Variants in DUOX1 observed in about 807,000 individuals in gnomAD.
DUOX1 encodes the protein dual oxidase 1.
DUOX1 carries 134 observed loss-of-function variants against 181.8 expected under a neutral mutation model. The observed-to-expected ratio is 0.74, with a 90% CI of 0.64 to 0.85. The LOEUF (loss-of-function observed/expected upper bound fraction) is 0.85. DUOX1 is among the 40% of genes least tolerant of loss of function. The pLI is 0.00. For missense variants in DUOX1, 1,814 were observed against 2,064.4 expected, an observed-to-expected ratio of 0.88 and a Z score of 2.35; for synonymous variants, 798 against 832.5, an observed-to-expected ratio of 0.96 and a Z score of 0.71.
intron 28 of DUOX1, among the ~76,000 whole-genome samples, chr15:45,158,740 G>A (rs1897025760): frequency 1.4e-5 from 2 of 142,320 alleles, no homozygotes; most frequent in African/African-American, 2.6e-5. Context: ...GCAGCTATCT[G>A]TGTATCTGTG....
intron 17 of DUOX1, among the ~76,000 whole-genome samples, chr15:45,144,516 G>A (rs1343680726): frequency 6.6e-6 from 1 of 152,236 alleles, no homozygotes; most frequent in Non-Finnish European, 1.5e-5. Flanking sequence ...GGTCCCAGCT[G>A]GGTGTCCTTG....
At chr15:45,135,438 C>A in intron 5 of DUOX1, 36 bp from the exon 6 acceptor site, 1 of 1,537,580 alleles carries the variant, frequency 6.5e-7, no homozygotes, top group South Asian at 1.2e-5. Flanking sequence ...TCGCCGCCGC[C>A]CATCGACCCG....
Position 45,152,390 on chromosome 15 carries a change from A to C in DUOX1, c.3298A>C (p.Ile1100Leu), listed in dbSNP as rs1172415808. ...AASISFMFSY[I>L]LLTMCRNLIT... Reference sequence around the variant, plus strand: ...CAGCATCTCTTTCATGTTCTCCTACATCTTGCTCACCATGTGCCGCAACCT... The same window carrying C: ...CAGCATCTCTTTCATGTTCTCCTACCTCTTGCTCACCATGTGCCGCAACCT... Residue 1100 changes from isoleucine (I) to leucine (L), a missense_variant, in exon 25 of 34, where the codon ATC (isoleucine) becomes CTC (leucine). Ile to Leu is a conservative substitution (Grantham distance 5). This residue lies in a region of DUOX1 where 1,064 missense variants were observed against 1,152.9 expected (regional missense o/e 0.92). Coordinates refer to ENST00000389037, the MANE Select transcript of DUOX1 (RefSeq NM_175940.3). The C allele has an allele frequency of 3.1e-6, 5 of 1,614,046 alleles. No individual in the cohort carries two copies.
chr15:45,162,405 C>A, intron 31 of DUOX1, 28 bp downstream of exon 31: 1 of 1,603,392 alleles, frequency 6.2e-7, no homozygotes, highest in Non-Finnish European at 8.5e-7. Context: ...TTCCCACCAA[C>A]CCATGGCCCC....
chr15:45,141,784 A>G (rs1292938466), intron 14 of DUOX1, 191 bp from the exon 15 acceptor site: 1 of 568,884 alleles, frequency 1.8e-6, no homozygotes, highest in South Asian at 2.2e-5. Context: ...GTGTGTGTGT[A>G]CACTTCTGTG....
intron 28 of DUOX1, 67 bp downstream of exon 28, chr15:45,155,996 G>A: frequency 1.3e-6 from 2 of 1,590,384 alleles, no homozygotes; most frequent in African/African-American, 1.3e-5. Context: ...GAGGCAAGGA[G>A]AGCTGGGACA....
chr15:45,134,326 C>A lies in DUOX1; in HGVS notation c.307+17C>A. 1 of 1,579,482 alleles carries A rather than the reference C, an allele frequency of 6.3e-7. No individual in the cohort carries two copies. The highest frequency in any genetic ancestry group is 8.6e-7 in the Non-Finnish European group (1 of 1,166,788). On this transcript the variant is annotated intron_variant, in intron 4 of 33. Coordinates refer to ENST00000389037, the MANE Select transcript of DUOX1 (RefSeq NM_175940.3). ...TCTTCTTTGGTGAGAACTTCAACCTCTGGGGAAGGAAGCCGGTGGGGTCGG... is the reference window on the plus strand; with the variant it reads ...TCTTCTTTGGTGAGAACTTCAACCTATGGGGAAGGAAGCCGGTGGGGTCGG...
At position 45,138,014 on chromosome 15, in the gene DUOX1, G is replaced by T; in HGVS notation, c.1113G>T (p.Glu371Asp). The change falls in exon 10 of 34, where the codon GAG becomes GAT. Residue 371 changes from glutamate (E) to aspartate (D), a missense_variant and splice_region_variant. Coordinates refer to ENST00000389037, the MANE Select transcript of DUOX1 (RefSeq NM_175940.3). The stretch of plus-strand genomic sequence containing the variant: ...TCTGCAACAGCTACTGGAGCCGTGA[G>T]GTCCGAGCTGGGGGCCACATATGTG... ...LRVCNSYWSREHPSLQSAEDV... is the reference protein window; with the variant it reads ...LRVCNSYWSRDHPSLQSAEDV... The T allele has an allele frequency of 6.2e-7, 1 of 1,605,048 alleles. No individual in the cohort carries two copies. Among genetic ancestry groups the T allele is most frequent in the Non-Finnish European group, 8.5e-7 (1 of 1,174,764 alleles).
rs761423034 is a variant in DUOX1 at position 45,151,282 on chromosome 15, T to C, written c.3014+34T>C. The C allele has an allele frequency of 3.1e-6, 5 of 1,605,714 alleles. No homozygotes were observed. In the South Asian group the frequency reaches 4.4e-5, roughly 14 times the overall value. On this transcript the variant is annotated intron_variant, in intron 23 of 33. Coordinates refer to ENST00000389037, the MANE Select transcript of DUOX1 (RefSeq NM_175940.3). ...GCTCTTCCCCTTAAGCCCAGGCAGT[T>C]CATCCATTCCTTCAGCTTATAAACA... is the stretch of plus-strand genomic sequence containing the variant.
At chr15:45,139,015 C>T (rs1896415889) in intron 10 of DUOX1, 51 bp from the exon 11 acceptor site, 1 of 1,544,256 alleles carries the variant, frequency 6.5e-7, no homozygotes. Context: ...GCTGTCTAAC[C>T]TCTGACCCCA....
At chr15:45,153,756 G>A (rs974217229) in intron 26 of DUOX1, 195 bp from the exon 27 acceptor site, 16 of 636,608 alleles carry the variant, frequency 2.5e-5, no homozygotes, top group Non-Finnish European at 4.4e-5. Context: ...GCATGGTGGT[G>A]CGTGCCTGTA....
Position 45,151,901 on chromosome 15 carries a change from C to G in DUOX1, c.3042C>G (p.Phe1014Leu), listed in dbSNP as rs764874034. 6.2e-7 allele frequency: 1 copy of G among 1,613,336 alleles called. No homozygotes were observed. Among genetic ancestry groups the G allele is most frequent in the East Asian group, 2.2e-5 (1 of 44,826 alleles). Residue 1014 changes from phenylalanine to leucine, a missense_variant, in exon 24 of 34, where the codon TTC becomes TTG. Transcript: ENST00000389037. The stretch of plus-strand genomic sequence containing the variant: ...TAACGTCATTCCAGCCCTTGCTGTT[C>G]ACTGAGGCGCACCGAGAGAAGTTCC... ...KKVTSFQPLL[F>L]TEAHREKFQR...
chr15:45,136,599 C>T lies in DUOX1; in HGVS notation c.996C>T (p.Thr332=), dbSNP rs552352882. The T allele has an allele frequency of 6.2e-7, 1 of 1,614,096 alleles. No homozygotes were observed. The highest frequency in any genetic ancestry group is 1.3e-5 in the African/African-American group (1 of 75,032). The change falls in exon 9 of 34, where the codon ACC becomes ACT. Residue 332 remains threonine, a synonymous_variant. Transcript: ENST00000389037. ...FVAASEQFLS[T]MVPPGVYMRN... ...CGGCCTCTGAGCAGTTCCTGTCCACCATGGTGCCCCCTGGCGTCTACATGA... is the reference window on the plus strand; with the variant it reads ...CGGCCTCTGAGCAGTTCCTGTCCACTATGGTGCCCCCTGGCGTCTACATGA...
At chr15:45,141,472 T>G in intron 14 of DUOX1, 62 bp downstream of exon 14, 1 of 1,541,616 alleles carries the variant, frequency 6.5e-7, no homozygotes, top group Non-Finnish European at 9.0e-7. Flanking sequence ...TCTTCAGCTC[T>G]GGGCTTGGCT....
At chr15:45,144,312 G>A in intron 17 of DUOX1, 77 bp downstream of exon 17, 1 of 1,468,022 alleles carries the variant, frequency 6.8e-7, no homozygotes, top group Non-Finnish European at 9.4e-7. Context: ...GAAGAAGCAT[G>A]GGGTCAGGAG....
At chr15:45,154,089 A>G (rs1305855176) in intron 27 of DUOX1, 89 bp downstream of exon 27, 3 of 1,230,474 alleles carry the variant, frequency 2.4e-6, no homozygotes, top group African/African-American at 2.9e-5. Flanking sequence ...ACCCACGTTC[A>G]CTCACTCAGC....
intron 28 of DUOX1, among the ~76,000 whole-genome samples, chr15:45,156,943 C>T (rs1183938784): frequency 1.3e-5 from 2 of 152,168 alleles, no homozygotes; most frequent in African/African-American, 4.8e-5. Flanking sequence ...AGAGGCAATT[C>T]CCTAAAGGGT....
At position 45,144,242 on chromosome 15, in the gene DUOX1, C is replaced by T; in HGVS notation, c.2136+7C>T. 1 of 1,613,782 alleles carries T rather than the reference C, an allele frequency of 6.2e-7. No individual in the cohort carries two copies. The highest frequency in any genetic ancestry group is 1.1e-5 in the South Asian group (1 of 91,086). On this transcript the variant is annotated splice_region_variant and intron_variant, in intron 17 of 33. Coordinates refer to ENST00000389037, the MANE Select transcript of DUOX1 (RefSeq NM_175940.3). ...CCCCAAGGAGTATGACCTGGTATGG[C>T]TCAGCTGGCATCTGGCTCCTTGTCC...
At chr15:45,151,696 A>C (rs1391620040) in intron 23 of DUOX1, 178 bp from the exon 24 acceptor site, 1 of 625,586 alleles carries the variant, frequency 1.6e-6, no homozygotes, top group Non-Finnish European at 2.7e-6. Context: ...TTGCTTATGC[A>C]GTGCAATATA....
Sources: gnomAD v4.1 joint callset for allele counts (sites outside exome capture counted in the v4.1 genomes callset) on GRCh38, gnomAD v4.1.1 for gene constraint, gnomAD v4.1.1 regional missense constraint, MANE v1.5 for transcripts, NCBI Gene and HGNC (gene_info 2026-07-23, HGNC 2026-07-21) for gene names.